The following OSBPL9 variants were observed in gnomAD, a reference collection of about 807,000 sequenced individuals.
OSBPL9 encodes the protein oxysterol binding protein like 9.
OSBPL9 carries 40 observed loss-of-function variants against 106.6 expected under a neutral mutation model. The observed-to-expected ratio is 0.38, with a 90% confidence interval of 0.29 to 0.49. OSBPL9 has a LOEUF of 0.49. Ranked by LOEUF, OSBPL9 falls within the 20% of genes least tolerant of loss-of-function variation. The pLI, the probability that OSBPL9 is intolerant of heterozygous loss-of-function variation, is 0.97. For synonymous variants in OSBPL9, 269 were observed against 295.4 expected (o/e 0.91, Z 0.92); for missense variants, 609 against 887.2 (o/e 0.69, Z 3.98).
the OSBPL9 span, among the ~76,000 whole-genome samples, chr1:51,519,674 T>C: frequency 6.6e-6 from 1 of 152,042 alleles, no homozygotes; most frequent in Non-Finnish European, 1.5e-5. Flanking sequence ...TGATAGAAAA[T>C]AATAATGGCA....
At chr1:51,711,892 G>A (rs562447662) in intron 3 of OSBPL9, among the ~76,000 whole-genome samples, 1 of 151,314 alleles carries the variant, frequency 6.6e-6, no homozygotes, top group Admixed American at 6.6e-5. Flanking sequence ...TCCTAGATGG[G>A]ATGGCGGCCG....
intron 3 of OSBPL9, among the ~76,000 whole-genome samples, chr1:51,712,013 T>C (rs1323742415): frequency 4.0e-5 from 6 of 151,794 alleles, no homozygotes; most frequent in South Asian, 4.2e-4. Flanking sequence ...GACGGGGTGG[T>C]GGCCGGGCAG....
At chr1:51,518,312 C>T in the OSBPL9 span, 21 of 152,428 alleles carry the variant, frequency 1.4e-4, no homozygotes, top group African/African-American at 5.1e-4. Flanking sequence ...AGCAACGAGG[C>T]AAGAGGGAAG....
At chr1:51,625,306 A>G (rs2148637534) in intron 1 of OSBPL9, among the ~76,000 whole-genome samples, 1 of 152,266 alleles carries the variant, frequency 6.6e-6, no homozygotes, top group Admixed American at 6.5e-5. Flanking sequence ...CTTTTTTTAA[A>G]ATGTAATTTA....
intron 12 of OSBPL9, among the ~76,000 whole-genome samples, chr1:51,766,243 G>A (rs966059762): frequency 6.6e-6 from 1 of 152,192 alleles, no homozygotes; most frequent in African/African-American, 2.4e-5. Flanking sequence ...GGAATAAATA[G>A]CATCACCTAT....
chr1:51,696,814 TTTTTTA>T (rs1341959591), intron 3 of OSBPL9, among the ~76,000 whole-genome samples: 1 of 152,164 alleles, frequency 6.6e-6, no homozygotes, highest in Non-Finnish European at 1.5e-5. Flanking sequence ...TTTTTTTTTA[TTTTTTA>T]TTTTTATCTT....
intron 1 of OSBPL9, among the ~76,000 whole-genome samples, chr1:51,580,177 T>A (rs185938250): frequency 1.3e-5 from 2 of 152,330 alleles, no homozygotes; most frequent in Admixed American, 1.3e-4. Context: ...TTCAAATATT[T>A]ATCAACTGTT....
intron 1 of OSBPL9, among the ~76,000 whole-genome samples, chr1:51,640,648 G>A (rs1272193401): frequency 1.3e-5 from 2 of 152,178 alleles, no homozygotes; most frequent in Non-Finnish European, 2.9e-5. Flanking sequence ...CATATTTTGA[G>A]TGAATTATGT....
At chr1:51,629,961 T>G (rs1645011142) in intron 1 of OSBPL9, among the ~76,000 whole-genome samples, 1 of 151,206 alleles carries the variant, frequency 6.6e-6, no homozygotes, top group African/African-American at 2.4e-5. Context: ...AAAAAAAAAA[T>G]TATTAATGTG....
At chr1:51,669,691 A>G (rs1649405379) in intron 3 of OSBPL9, 179 bp downstream of exon 3, 6 of 591,220 alleles carry the variant, frequency 1.0e-5, no homozygotes, top group Non-Finnish European at 9.5e-6. Flanking sequence ...TCTGCAATGG[A>G]TGTAGATCGA....
At chr1:51,764,915 C>T (rs766475486) in intron 11 of OSBPL9, among the ~76,000 whole-genome samples, 1 of 152,168 alleles carries the variant, frequency 6.6e-6, no homozygotes, top group Non-Finnish European at 1.5e-5. Flanking sequence ...TCTTCAATTT[C>T]TTCCAGAACT....
intron 2 of OSBPL9, among the ~76,000 whole-genome samples, chr1:51,663,646 C>T (rs990955191): frequency 9.9e-5 from 15 of 152,148 alleles, no homozygotes; most frequent in Non-Finnish European, 2.1e-4. Flanking sequence ...AAAGTCAATA[C>T]ACTGTCCTAC....
chr1:51,650,646 TGTAG>T (rs1262075294), intron 1 of OSBPL9, among the ~76,000 whole-genome samples: 1 of 152,208 alleles, frequency 6.6e-6, no homozygotes, highest in Non-Finnish European at 1.5e-5. Context: ...AGACTTTGGA[TGTAG>T]GGCATCTATA....
At chr1:51,754,851 G>A (rs1385470046) in intron 8 of OSBPL9, among the ~76,000 whole-genome samples, 1 of 151,994 alleles carries the variant, frequency 6.6e-6, no homozygotes, top group African/African-American at 2.4e-5. Context: ...CACTCAGACT[G>A]GAGTGCAGTG....
At chr1:51,610,419 C>T (rs1643979778) in intron 2 of OSBPL9, among the ~76,000 whole-genome samples, 1 of 152,120 alleles carries the variant, frequency 6.6e-6, no homozygotes, top group South Asian at 2.1e-4. Context: ...CACCACCATG[C>T]CCAGCTAATT....
chr1:51,652,147 T>C, intron 2 of OSBPL9, 106 bp downstream of exon 2: 11 of 793,274 alleles, frequency 1.4e-5, no homozygotes, highest in Non-Finnish European at 2.2e-5. Flanking sequence ...ACATAATTGT[T>C]GGGGCAGGTA....
At chr1:51,673,600 T>C (rs929412906) in intron 3 of OSBPL9, among the ~76,000 whole-genome samples, 1 of 152,184 alleles carries the variant, frequency 6.6e-6, no homozygotes, top group African/African-American at 2.4e-5. Flanking sequence ...GCTTGGAGCA[T>C]GGGCAGTTTA....
intron 4 of OSBPL9, among the ~76,000 whole-genome samples, chr1:51,715,412 G>T (rs1347678823): frequency 6.6e-6 from 1 of 152,158 alleles, no homozygotes; most frequent in Non-Finnish European, 1.5e-5. Flanking sequence ...CCTGTAAGAG[G>T]AGGATAAGTG....
In OSBPL9 at chr1:51,784,045, G is replaced by T; in HGVS notation, c.1624+20G>T. ...GGCAGGGTAAGTGTGTTGGCATTGGGTGGACTACAATGTTATAGGAGAATT... is the reference window on the plus strand; with the variant it reads ...GGCAGGGTAAGTGTGTTGGCATTGGTTGGACTACAATGTTATAGGAGAATT... On this transcript the variant is annotated intron_variant, in intron 18 of 23. Transcript: ENST00000428468. The T allele has an allele frequency of 6.4e-7, 1 of 1,568,044 alleles. No individual in the cohort carries two copies. The highest frequency in any genetic ancestry group is 1.4e-5 in the African/African-American group (1 of 73,958).
Sources: gnomAD v4.1 joint callset for allele counts (sites outside exome capture counted in the v4.1 genomes callset) on GRCh38, gnomAD v4.1.1 for gene constraint, MANE v1.5 for transcripts, NCBI Gene and HGNC (gene_info 2026-07-23, HGNC 2026-07-21) for gene names.